FANCI: variants seen among roughly 807,000 people sequenced by gnomAD.
FANCI encodes FA complementation group I.
FANCI carries 156 observed loss-of-function variants against 176.1 expected under a neutral mutation model. The observed-to-expected ratio is 0.89, with a 90% CI of 0.78 to 1.01. The LOEUF is 1.01. Ranked by LOEUF, FANCI falls within the 50% of genes least tolerant of loss-of-function variation. FANCI has a pLI of 0.00. For synonymous variants in FANCI, 613 were observed against 541.7 expected (o/e 1.13, Z -1.83); for missense variants, 1,678 against 1,534.1 (o/e 1.09, Z -1.57).
At chr15:89,316,290 T>TAACA (rs1433702788) in intron 37 of FANCI, 107 bp from the exon 38 acceptor site, 1 of 1,162,248 alleles carries the variant, frequency 8.6e-7, no homozygotes, top group Non-Finnish European at 1.3e-6. Context: ...AAAGCATGAC[T>TAACA]AACAAAGGCT....
chr15:89,250,946 C>A (rs1485405203), intron 2 of FANCI, among the ~76,000 whole-genome samples: 1 of 150,652 alleles, frequency 6.6e-6, no homozygotes, highest in Non-Finnish European at 1.5e-5. Context: ...TAAACAACAA[C>A]AAAAAAACAC....
chr15:89,299,189 G>T (rs546685651), intron 24 of FANCI, among the ~76,000 whole-genome samples: 5 of 149,796 alleles, frequency 3.3e-5, no homozygotes, highest in Admixed American at 3.3e-4. Flanking sequence ...AAAAAAACCT[G>T]AGTAATCTTA....
rs1467753281 is a variant in FANCI at position 89,299,797 on chromosome 15, C to T, written c.2637-3C>T. ...AAAACAATACCACTTTCTCCTGCTTCAGAGTCTTGCTATGGAGATACACTT... is the reference window on the plus strand; with the variant it reads ...AAAACAATACCACTTTCTCCTGCTTTAGAGTCTTGCTATGGAGATACACTT... On this transcript the variant is annotated splice_region_variant and splice_polypyrimidine_tract_variant and intron_variant, in intron 24 of 37. Transcript: ENST00000310775. The T allele has an allele frequency of 1.2e-6, 2 of 1,613,102 alleles. No individual in the cohort carries two copies. The highest frequency in any genetic ancestry group is 8.5e-7 in the Non-Finnish European group (1 of 1,179,646).
At chr15:89,287,160 G>A (rs774274139) in intron 18 of FANCI, among the ~76,000 whole-genome samples, 18 of 151,974 alleles carry the variant, frequency 1.2e-4, no homozygotes, top group East Asian at 1.9e-4. Context: ...TTTTAGTAGA[G>A]ACTGGGGTTT....
intron 2 of FANCI, among the ~76,000 whole-genome samples, chr15:89,257,860 A>G (rs372373185): frequency 6.6e-6 from 1 of 152,264 alleles, no homozygotes; most frequent in East Asian, 1.9e-4. Context: ...AAACCCCCAT[A>G]ACTCATTCTC....
At chr15:89,307,706 T>C in intron 34 of FANCI, 34 bp downstream of exon 34, 2 of 1,614,120 alleles carry the variant, frequency 1.2e-6, no homozygotes, top group Non-Finnish European at 1.7e-6. Context: ...CAATAGGTCT[T>C]CAAGAAAGGA....
intron 2 of FANCI, 44 bp from the exon 3 acceptor site, chr15:89,258,660 A>G: frequency 1.4e-6 from 2 of 1,458,628 alleles, no homozygotes; most frequent in Non-Finnish European, 1.9e-6. Flanking sequence ...TCATTGGGGT[A>G]AAAGACTGTT....
chr15:89,285,341 A>G, intron 18 of FANCI, 123 bp downstream of exon 18: 1 of 1,325,532 alleles, frequency 7.5e-7, no homozygotes, highest in South Asian at 1.3e-5. Flanking sequence ...CAGCACCAGT[A>G]GCTAGTGATG....
At chr15:89,274,709 A>G (rs558849380) in intron 12 of FANCI, among the ~76,000 whole-genome samples, 6 of 148,128 alleles carry the variant, frequency 4.1e-5, no homozygotes, top group Admixed American at 2.0e-4. Flanking sequence ...GGCTCAAGCA[A>G]TCCTCCCACC....
Position 89,264,012 on chromosome 15 carries a change from G to T in FANCI, c.655G>T (p.Val219Phe). Residue 219 changes from valine to phenylalanine, a missense_variant, in exon 8 of 38, where the codon GTT (valine) becomes TTT (phenylalanine). Around this residue, in one of 3 missense-constraint regions of FANCI, gnomAD observed 469 missense variants for 436.9 expected, o/e 1.07. Transcript: ENST00000310775. Reference sequence around the variant, plus strand: ...ACCACCTTTGGTCTATCAGCTTCTGGTTCTCTCCTCCAAGGTACAAATGGA... The same window carrying T: ...ACCACCTTTGGTCTATCAGCTTCTGTTTCTCTCCTCCAAGGTACAAATGGA... ...EIPPLVYQLL[V>F]LSSKGSRKSV... 6.2e-7 allele frequency: 1 copy of T among 1,614,048 alleles called. No homozygotes were observed. Among genetic ancestry groups the T allele is most frequent in the South Asian group, 1.1e-5 (1 of 91,074 alleles).
chr15:89,258,502 T>C (rs959293738), intron 2 of FANCI, among the ~76,000 whole-genome samples: 4 of 152,220 alleles, frequency 2.6e-5, no homozygotes, highest in African/African-American at 4.8e-5. Context: ...GTTTATAGAA[T>C]GAGTAAGAAT....
intron 2 of FANCI, among the ~76,000 whole-genome samples, chr15:89,248,629 A>G (rs547191670): frequency 6.6e-6 from 1 of 152,300 alleles, no homozygotes; most frequent in Admixed American, 6.5e-5. Context: ...GATTTGATTG[A>G]AACTAGCATT....
intron 12 of FANCI, among the ~76,000 whole-genome samples, chr15:89,275,513 G>C (rs150836555): frequency 6.6e-6 from 1 of 152,280 alleles, no homozygotes; most frequent in East Asian, 1.9e-4. Flanking sequence ...TCTAGGCCTG[G>C]AATTCTTGTT....
At position 89,287,845 on chromosome 15, in the gene FANCI, C is replaced by A. The variant is rs117117271; in HGVS notation, c.1822-2368C>A. 2.7e-3 allele frequency among the ~76,000 whole-genome samples: 410 copies of A among 150,822 alleles called. 8 individuals carry two copies. Among genetic ancestry groups the A allele is most frequent in the East Asian group, 0.015 (77 of 5,192 alleles). On this transcript the variant is annotated intron_variant, in intron 18 of 37. Transcript: ENST00000310775. ...CAGTCAGAACATACACAGCATTTATCAATTAAGTTCACTATCTTATATAGA... is the reference window on the plus strand; with the variant it reads ...CAGTCAGAACATACACAGCATTTATAAATTAAGTTCACTATCTTATATAGA...
chr15:89,293,886 C>G lies in FANCI; in HGVS notation c.2345C>G (p.Ser782Cys), dbSNP rs1312156829. Residue 782 changes from serine to cysteine, a missense_variant, in exon 23 of 38, where the codon TCT (serine) becomes TGT (cysteine). Ser to Cys is a moderately radical substitution (Grantham distance 112). Around this residue, in one of 3 missense-constraint regions of FANCI, gnomAD observed 1,204 missense variants for 1,077.4 expected, o/e 1.12. Coordinates refer to ENST00000310775, the MANE Select transcript of FANCI (RefSeq NM_001113378.2). ...TTATTTATGTGTTACAAAAAACTCT[C>G]TGACATTCTTAATGAAAAAGCGGGT... is the stretch of plus-strand genomic sequence containing the variant. The part of the protein sequence containing the change: ...LSLFMCYKKL[S>C]DILNEKAGKA... 1.2e-6 allele frequency: 2 copies of G among 1,614,140 alleles called. No homozygotes were observed. Among genetic ancestry groups the G allele is most frequent in the East Asian group, 2.2e-5 (1 of 44,872 alleles).
At chr15:89,315,520 G>A (rs984113365) in intron 37 of FANCI, 131 bp downstream of exon 37, 15 of 711,534 alleles carry the variant, frequency 2.1e-5, no homozygotes, top group African/African-American at 7.0e-5. Context: ...GCAAAGATGA[G>A]AGCAAAGGAC....
Position 89,283,279 on chromosome 15 carries a change from G to A in FANCI, c.1698+29G>A, listed in dbSNP as rs764729101. ...AGGATTATTTACGTTAACTTGCAGT[G>A]TGTGCGTATCATTCATGTGCATCGA... On this transcript the variant is annotated intron_variant, in intron 17 of 37. Transcript: ENST00000310775. The A allele has an allele frequency of 3.4e-5, 55 of 1,613,304 alleles. No individual in the cohort carries two copies. The highest frequency in any genetic ancestry group is 1.3e-5 in the African/African-American group (1 of 74,926).
rs1329824704 is a variant in FANCI at position 89,307,457 on chromosome 15, A to G, written c.3538-19A>G. The G allele has an allele frequency of 1.9e-6, 3 of 1,611,400 alleles. No homozygotes were observed. Among genetic ancestry groups the G allele is most frequent in the South Asian group, 1.1e-5 (1 of 90,718 alleles). ...TTTCATAGGACAGTCTACTAAATCT[A>G]GGAATCTTTTTTTATTAGTATCTCC... On this transcript the variant is annotated intron_variant, in intron 32 of 37. Coordinates refer to ENST00000310775, the MANE Select transcript of FANCI (RefSeq NM_001113378.2).
chr15:89,270,304 C>T (rs1204242801), intron 10 of FANCI, among the ~76,000 whole-genome samples: 1 of 152,104 alleles, frequency 6.6e-6, no homozygotes, highest in Admixed American at 6.5e-5. Context: ...GAATCATTTG[C>T]TTTTAAGAAA....
Sources: gnomAD v4.1 joint callset for allele counts (sites outside exome capture counted in the v4.1 genomes callset) on GRCh38, gnomAD v4.1.1 for gene constraint, gnomAD v4.1.1 regional missense constraint, MANE v1.5 for transcripts, NCBI Gene and HGNC (gene_info 2026-07-23, HGNC 2026-07-21) for gene names.